Variants in UBA7 observed in about 807,000 individuals in gnomAD.
The protein encoded by UBA7 is ubiquitin like modifier activating enzyme 7.
UBA7 carries 88 observed loss-of-function variants against 113.0 expected under a neutral mutation model. That is an observed-to-expected ratio of 0.78 (90% CI 0.66 to 0.93). The LOEUF is 0.93. Among genes scored for constraint, UBA7 ranks in the 40% least tolerant of loss-of-function variants. The pLI, the probability that UBA7 is intolerant of heterozygous loss-of-function variation, is 0.00. For synonymous variants in UBA7, 459 were observed against 513.0 expected, an observed-to-expected ratio of 0.89 and a Z score of 1.42; for missense variants, 1,092 against 1,266.4, an observed-to-expected ratio of 0.86 and a Z score of 2.09.
rs2081520331 is a variant in UBA7 at position 49,810,169 on chromosome 3, CA to C, written c.1647del (p.Ala550LeufsTer7). 1.9e-6 allele frequency: 3 copies of C among 1,613,148 alleles called. No homozygotes were observed. Among genetic ancestry groups the C allele is most frequent in the Non-Finnish European group, 2.5e-6 (3 of 1,179,934 alleles). On this transcript the variant is annotated frameshift_variant, in exon 14 of 24. Transcript: ENST00000333486. LOFTEE classifies it high-confidence loss of function. This position sits in a 1 kb window ranked among gnomAD's most constrained non-coding sequence, Gnocchi z 5.6. ...GGCTTCAGATAGTGGGTGCAACGAG[CA>C]GCCACATAGCGCCCTGGCAAGGGAG... ...LDSFQARRYV[A>X]ARCTHYLKPL...
chr3:49,813,674 A>C (rs757196646), intron 1 of UBA7, 27 bp from the exon 2 acceptor site: 1 of 1,614,242 alleles, frequency 6.2e-7, no homozygotes, highest in East Asian at 2.2e-5. Flanking sequence ...GAAGGCAAGC[A>C]GTTGTAGATC....
chr3:49,808,285 G>C, intron 19 of UBA7, 101 bp downstream of exon 19: 1 of 1,541,616 alleles, frequency 6.5e-7, no homozygotes. Flanking sequence ...GGGTCTTGCT[G>C]GGAGAATTCA....
chr3:49,809,468 G>C lies in UBA7; in HGVS notation c.2089-4C>G, dbSNP rs761698506. 6 of 1,614,136 alleles carry C rather than the reference G, an allele frequency of 3.7e-6. No homozygotes were observed. In the South Asian group the frequency reaches 5.5e-5, roughly 15 times the overall value. On this transcript the variant is annotated splice_region_variant and splice_polypyrimidine_tract_variant and intron_variant, in intron 16 of 23. Transcript: ENST00000333486. ...AGGGAGTTCCATCCTCAAGCACCTA[G>C]GTAGGTAAGTAGAAGCTGCTGGGCT...
At position 49,810,700 on chromosome 3, in the gene UBA7, G is replaced by A; in HGVS notation, c.1312-28C>T. On this transcript the variant is annotated intron_variant, in intron 11 of 23. Transcript: ENST00000333486. This position sits in a 1 kb window ranked among gnomAD's most constrained non-coding sequence, Gnocchi z 5.6. The stretch of plus-strand genomic sequence containing the variant: ...GTTGGCAGGAACAGCCTTAGCCAGA[G>A]GGGCTGGGCTGGCTCTCCCAAAGGC... 6.2e-7 allele frequency: 1 copy of A among 1,614,076 alleles called. No individual in the cohort carries two copies. Among genetic ancestry groups the A allele is most frequent in the Non-Finnish European group, 8.5e-7 (1 of 1,179,944 alleles).
chr3:49,805,717 C>T (rs1327439516), intron 23 of UBA7, among the ~76,000 whole-genome samples, 180 bp downstream of exon 23: 1 of 152,188 alleles, frequency 6.6e-6, no homozygotes, highest in African/African-American at 2.4e-5. Context: ...CTGAAGACTC[C>T]TCCTCAGGCT....
At chr3:49,808,208 C>CG in intron 19 of UBA7, 96 bp from the exon 20 acceptor site, 3 of 1,545,340 alleles carry the variant, frequency 1.9e-6, no homozygotes, top group Admixed American at 1.8e-5. Flanking sequence ...ACAGTTCTGT[C>CG]GGGGGGTTGC....
In UBA7 at chr3:49,810,637, T is replaced by G. The variant is rs2081529695; in HGVS notation, c.1347A>C (p.Lys449Asn). The G allele has an allele frequency of 1.2e-6, 2 of 1,614,026 alleles. No homozygotes were observed. Among genetic ancestry groups the G allele is most frequent in the Non-Finnish European group, 1.7e-6 (2 of 1,179,980 alleles). Residue 449 changes from lysine (K) to asparagine (N), a missense_variant, in exon 12 of 24, where the codon AAA becomes AAC. Lys to Asn is a moderately conservative substitution (Grantham distance 94, BLOSUM62 0). Around this residue, in one of 3 missense-constraint regions of UBA7, gnomAD observed 584 missense variants for 714.5 expected, o/e 0.82. Coordinates refer to ENST00000333486, the MANE Select transcript of UBA7 (RefSeq NM_003335.3). This position sits in a 1 kb window ranked among gnomAD's most constrained non-coding sequence, Gnocchi z 5.6. ...CCCCCAGTCCCACTAGGGCAAAGACTTTGAGCAGCTCACAACCAATGGCAC... is the reference window on the plus strand; with the variant it reads ...CCCCCAGTCCCACTAGGGCAAAGACGTTGAGCAGCTCACAACCAATGGCAC... ...GAGAIGCELL[K>N]VFALVGLGAG...
At chr3:49,811,557 A>T in intron 8 of UBA7, 102 bp from the exon 9 acceptor site, 1 of 1,482,938 alleles carries the variant, frequency 6.7e-7, no homozygotes, top group Non-Finnish European at 9.0e-7. Flanking sequence ...ACAGAAGAGG[A>T]AGCAGAAGCC....
intron 21 of UBA7, among the ~76,000 whole-genome samples, chr3:49,806,568 G>A (rs72938113): frequency 0.036 from 5,461 of 152,088 alleles, 324 homozygotes; most frequent in African/African-American, 0.12. Flanking sequence ...AGTGCCTTGG[G>A]CTACTCATTG....
chr3:49,811,181 T>C lies in UBA7; in HGVS notation c.1123-90A>G, dbSNP rs1034059855. Reference sequence around the variant, plus strand: ...AGGCTTCACCCAGGTTGGTGAAGGCTCCAGGGCTGCTCTCTAGCGCTGGGT... The same window carrying C: ...AGGCTTCACCCAGGTTGGTGAAGGCCCCAGGGCTGCTCTCTAGCGCTGGGT... On this transcript the variant is annotated intron_variant, in intron 9 of 23. Transcript: ENST00000333486. 6 of 1,602,784 alleles carry C rather than the reference T, an allele frequency of 3.7e-6. 1 individual carries two copies. The highest frequency in any genetic ancestry group is 1.3e-5 in the African/African-American group (1 of 74,814).
intron 3 of UBA7, 25 bp from the exon 4 acceptor site, chr3:49,813,193 G>A (rs2081577206): frequency 1.9e-6 from 3 of 1,613,570 alleles, no homozygotes; most frequent in Admixed American, 1.7e-5. Flanking sequence ...TGATCAGCAG[G>A]GCCAAAACCA....
At position 49,805,295 on chromosome 3, in the gene UBA7, G is replaced by T; in HGVS notation, c.*13C>A. On this transcript the variant is annotated 3_prime_UTR_variant, in exon 24 of 24. Transcript: ENST00000333486. ...GGGGCTCCATTGAGCTAGGTGACAG[G>T]GTGGCTGCCTTGTCACAGCTCATAG... 6.2e-7 allele frequency: 1 copy of T among 1,611,676 alleles called. No homozygotes were observed. Among genetic ancestry groups the T allele is most frequent in the East Asian group, 2.2e-5 (1 of 44,842 alleles).
chr3:49,810,528 G>A lies in UBA7; in HGVS notation c.1456C>T (p.Gln486Ter), dbSNP rs1376591283. The change falls in exon 12 of 24, where the codon CAG becomes TAG. Residue 486 changes from glutamine (Q) to a stop codon, truncating the protein, a stop_gained. Transcript: ENST00000333486. LOFTEE classifies it high-confidence loss of function. The surrounding 1 kb of genome is among the most constrained non-coding windows in gnomAD (Gnocchi z 5.6). ...NLSRQFLFRS[Q>*]DVGRPKAEVA... ...GGGTCAGCACTCACACCAACGTCCT[G>A]GGACCTGAAGAGGAACTGACGGCTG... The A allele has an allele frequency of 1.2e-6, 2 of 1,614,130 alleles. No individual in the cohort carries two copies. Among genetic ancestry groups the A allele is most frequent in the East Asian group, 4.5e-5 (2 of 44,892 alleles).
At position 49,810,658 on chromosome 3, in the gene UBA7, G is replaced by A; in HGVS notation, c.1326C>T (p.Ala442=). ...AGACTTTGAGCAGCTCACAACCAATGGCACCAGCGCCCACCTGTTGGCAGG... is the reference window on the plus strand; with the variant it reads ...AGACTTTGAGCAGCTCACAACCAATAGCACCAGCGCCCACCTGTTGGCAGG... ...RQHYLLVGAG[A]IGCELLKVFA... Residue 442 remains alanine, a synonymous_variant, in exon 12 of 24, where the codon GCC becomes GCT. Transcript: ENST00000333486. The surrounding 1 kb of genome is among the most constrained non-coding windows in gnomAD (Gnocchi z 5.6). The A allele has an allele frequency of 1.9e-6, 3 of 1,614,086 alleles. No individual in the cohort carries two copies. In the South Asian group the frequency reaches 3.3e-5, roughly 18 times the overall value.
At position 49,809,664 on chromosome 3, in the gene UBA7, G is replaced by T. The variant is rs1375444245; in HGVS notation, c.1966C>A (p.Leu656Ile). Residue 656 changes from leucine to isoleucine, a missense_variant, in exon 16 of 24, where the codon CTT becomes ATT. Physicochemically the swap from Leu to Ile is conservative, Grantham distance 5. Around this residue, in one of 3 missense-constraint regions of UBA7, gnomAD observed 500 missense variants for 529.3 expected, o/e 0.94. Transcript: ENST00000333486. ...TGTGGACGCACTCTCAGGACCCCAAGCACTGGCTTCAGTAAGGTGAGTGTC... is the reference window on the plus strand; with the variant it reads ...TGTGGACGCACTCTCAGGACCCCAATCACTGGCTTCAGTAAGGTGAGTGTC... The part of the protein sequence containing the change: ...PQTLTLLKPV[L>I]GVLRVRPQNW... 6.2e-7 allele frequency: 1 copy of T among 1,614,110 alleles called. No individual in the cohort carries two copies. Among genetic ancestry groups the T allele is most frequent in the East Asian group, 2.2e-5 (1 of 44,884 alleles).
chr3:49,806,237 T>C (rs2081449515), intron 21 of UBA7, 72 bp from the exon 22 acceptor site: 4 of 1,387,770 alleles, frequency 2.9e-6, no homozygotes, highest in African/African-American at 1.4e-5. Context: ...ACCAGCAGCC[T>C]TTCCTAGGGG....
Position 49,807,840 on chromosome 3 carries a change from C to T in UBA7, c.2611G>A (p.Val871Met). The change falls in exon 21 of 24, where the codon GTG (valine) becomes ATG (methionine). Residue 871 changes from valine (V) to methionine (M), a missense_variant. By Grantham distance (21) the Val-to-Met change is conservative (BLOSUM62 1). Coordinates refer to ENST00000333486, the MANE Select transcript of UBA7 (RefSeq NM_003335.3). This position sits in a 1 kb window ranked among gnomAD's most constrained non-coding sequence, Gnocchi z 4.0. ...CTACGAGGCCGTGGCCCACTCACCACCTTATACAGCTCCAGGCCCAACAGG... is the reference window on the plus strand; with the variant it reads ...CTACGAGGCCGTGGCCCACTCACCATCTTATACAGCTCCAGGCCCAACAGG... ...AGLLGLELYKVVSGPRPRSAF... is the reference protein window; with the variant it reads ...AGLLGLELYKMVSGPRPRSAF... The T allele has an allele frequency of 6.2e-7, 1 of 1,614,104 alleles. No individual in the cohort carries two copies. The highest frequency in any genetic ancestry group is 8.5e-7 in the Non-Finnish European group (1 of 1,179,990).
chr3:49,812,638 C>T lies in UBA7; in HGVS notation c.558+10G>A, dbSNP rs2108302128. On this transcript the variant is annotated intron_variant, in intron 5 of 23. Coordinates refer to ENST00000333486, the MANE Select transcript of UBA7 (RefSeq NM_003335.3). ...GGTCAGCAGGTGAATGCCTACAGCT[C>T]AGCACCCACCTGGGAGATGTGCTGG... 1 of 1,614,220 alleles carries T rather than the reference C, an allele frequency of 6.2e-7. No individual in the cohort carries two copies. Among genetic ancestry groups the T allele is most frequent in the East Asian group, 2.2e-5 (1 of 44,884 alleles).
intron 19 of UBA7, 89 bp downstream of exon 19, chr3:49,808,297 G>T: frequency 6.4e-7 from 1 of 1,566,870 alleles, no homozygotes; most frequent in Non-Finnish European, 8.8e-7. Context: ...GAGAATTCAG[G>T]CCAAGGGGCT....
Sources: allele counts gnomAD v4.1 joint callset (sites outside exome capture counted in the v4.1 genomes callset), GRCh38; gene constraint gnomAD v4.1.1; regional missense constraint gnomAD v4.1.1; non-coding constraint Gnocchi (gnomAD v3.1); transcripts MANE v1.5; gene names NCBI Gene and HGNC (gene_info 2026-07-23, HGNC 2026-07-21).